NRXN3: variants seen among roughly 807,000 people sequenced by gnomAD.
NRXN3 encodes neurexin 3, also known as neurexin III.
Under a neutral mutation model 137.6 loss-of-function variants are expected in NRXN3, and 32 were observed. That is an observed-to-expected ratio of 0.23 (90% CI 0.18 to 0.31). The LOEUF is 0.31. Among genes scored for constraint, NRXN3 ranks in the 10% least tolerant of loss-of-function variants. NRXN3 has a pLI of 1.00. For synonymous variants in NRXN3, 798 were observed against 784.5 expected, an observed-to-expected ratio of 1.02 and a Z score of -0.29; for missense variants, 1,574 against 2,062.5, an observed-to-expected ratio of 0.76 and a Z score of 4.59.
At chr14:79,698,291 C>T (rs1441695144) in intron 19 of NRXN3, among the ~76,000 whole-genome samples, 1 of 151,976 alleles carries the variant, frequency 6.6e-6, no homozygotes, top group African/African-American at 2.4e-5. Context: ...AATCTGTTAT[C>T]ATATGAAAAG....
At chr14:79,571,214 T>C (rs2097597835) in intron 16 of NRXN3, among the ~76,000 whole-genome samples, 1 of 152,292 alleles carries the variant, frequency 6.6e-6, no homozygotes, top group Admixed American at 6.5e-5. Context: ...TTAGTGACTA[T>C]GAGAAGACTG....
At chr14:79,751,171 A>G (rs1483479342) in intron 19 of NRXN3, among the ~76,000 whole-genome samples, 1 of 151,982 alleles carries the variant, frequency 6.6e-6, no homozygotes, top group African/African-American at 2.4e-5. Context: ...CAGTGTGGCC[A>G]TTTTCACGAT....
At chr14:79,583,139 T>C (rs552940560) in intron 16 of NRXN3, among the ~76,000 whole-genome samples, 1 of 152,286 alleles carries the variant, frequency 6.6e-6, no homozygotes, top group South Asian at 2.1e-4. Context: ...AGGGAATAAT[T>C]TTTCTCTAAA....
chr14:79,197,371 T>C (rs1462094882), intron 15 of NRXN3, among the ~76,000 whole-genome samples: 1 of 152,166 alleles, frequency 6.6e-6, no homozygotes, highest in African/African-American at 2.4e-5. Context: ...TTATTTGAAT[T>C]AGTTAATTTT....
chr14:79,719,400 G>GTATATATA, intron 19 of NRXN3, among the ~76,000 whole-genome samples: 1 of 65,826 alleles, frequency 1.5e-5, no homozygotes, highest in Non-Finnish European at 3.2e-5. Context: ...ATATATATGT[G>GTATATATA]TGTATATATA....
At chr14:78,204,255 ATT>A (rs61249208) in intron 1 of NRXN3, among the ~76,000 whole-genome samples, 1 of 148,120 alleles carries the variant, frequency 6.8e-6, no homozygotes. Flanking sequence ...AAAAAGTGAC[ATT>A]TTTTTTTTTG....
chr14:78,627,059 TTTTG>T (rs903719421), intron 4 of NRXN3, among the ~76,000 whole-genome samples: 5 of 152,006 alleles, frequency 3.3e-5, no homozygotes, highest in South Asian at 2.1e-4. Flanking sequence ...CTCTTAGCTT[TTTTG>T]TTTGTTTGTT....
At chr14:79,826,719 C>G (rs1196794159) in intron 20 of NRXN3, among the ~76,000 whole-genome samples, 1 of 152,168 alleles carries the variant, frequency 6.6e-6, no homozygotes, top group Admixed American at 6.5e-5. Context: ...TTTTCCCAGT[C>G]TGTGATCCAA....
chr14:78,480,073 G>A (rs528525316), intron 4 of NRXN3, among the ~76,000 whole-genome samples: 2 of 152,266 alleles, frequency 1.3e-5, no homozygotes, highest in Admixed American at 6.5e-5. Context: ...CCTGGGAGGC[G>A]GAGGTTGCAG....
chr14:78,642,587 T>G lies in NRXN3; in HGVS notation c.758-2533T>G, dbSNP rs2097646655. Among the ~76,000 whole-genome samples the G allele has an allele frequency of 1.3e-5, 2 of 152,192 alleles. 1 individual carries two copies. Among genetic ancestry groups the G allele is most frequent in the Non-Finnish European group, 2.9e-5 (2 of 68,026 alleles). On this transcript the variant is annotated intron_variant, in intron 4 of 20. Transcript: ENST00000335750. ...ACACCCATTAATATACCACTTGCGG[T>G]GCCAAGGACATGCACAGTAGTTGGC... is the stretch of plus-strand genomic sequence containing the variant.
intron 4 of NRXN3, among the ~76,000 whole-genome samples, chr14:78,630,827 G>T (rs1317546760): frequency 1.3e-5 from 2 of 152,048 alleles, no homozygotes; most frequent in Admixed American, 6.5e-5. Context: ...GGATGGTCTC[G>T]ATCTCCTGAC....
chr14:78,497,708 A>G (rs1164668811), intron 4 of NRXN3, among the ~76,000 whole-genome samples: 2 of 152,106 alleles, frequency 1.3e-5, no homozygotes, highest in Non-Finnish European at 2.9e-5. Flanking sequence ...TCATACTGGG[A>G]GGCAATATAT....
intron 7 of NRXN3, among the ~76,000 whole-genome samples, chr14:78,710,501 A>T (rs1340696133): frequency 1.3e-5 from 2 of 152,212 alleles, no homozygotes. Flanking sequence ...AAGAGCAGTA[A>T]TTAGAGCATT....
chr14:78,183,184 C>T (rs2059961909), intron 1 of NRXN3, among the ~76,000 whole-genome samples: 1 of 152,324 alleles, frequency 6.6e-6, no homozygotes, highest in East Asian at 1.9e-4. Context: ...TGGCAAGAAC[C>T]ATCAGGCCAG....
chr14:78,566,177 G>T lies in NRXN3; in HGVS notation c.758-78943G>T, dbSNP rs530372602. Among the ~76,000 whole-genome samples the T allele has an allele frequency of 2.0e-5, 3 of 151,880 alleles. No homozygotes were observed. The South Asian group carries it at 6.3e-4, about 32-fold the overall frequency. On this transcript the variant is annotated intron_variant, in intron 4 of 20. Coordinates refer to ENST00000335750, the MANE Select transcript of NRXN3 (RefSeq NM_001330195.2). ...CGCCCCCAACGCCGGCCAAAAAAAA[G>T]ACTCTCTAAAAACAGGTGCCCCCGA... is the stretch of plus-strand genomic sequence containing the variant.
At chr14:79,780,531 C>A (rs111948420) in intron 19 of NRXN3, among the ~76,000 whole-genome samples, 9,790 of 152,030 alleles carry the variant, frequency 0.064, 375 homozygotes, top group Non-Finnish European at 0.086. Flanking sequence ...ATGGTGTGAA[C>A]CCGGGAGGCG....
chr14:78,233,695 A>AC (rs1040327371), intron 1 of NRXN3, among the ~76,000 whole-genome samples: 2 of 151,434 alleles, frequency 1.3e-5, no homozygotes, highest in African/African-American at 4.9e-5. Flanking sequence ...CTTCAAAAAA[A>AC]AAAAAAAAAA....
chr14:79,535,205 TAAAAC>T (rs760722077), intron 16 of NRXN3, among the ~76,000 whole-genome samples: 7 of 152,130 alleles, frequency 4.6e-5, no homozygotes, highest in Non-Finnish European at 1.0e-4. Context: ...AATTATGAAA[TAAAAC>T]AAAGCAAAGA....
intron 16 of NRXN3, among the ~76,000 whole-genome samples, chr14:79,525,628 T>A (rs1219880373): frequency 2.0e-5 from 3 of 152,236 alleles, no homozygotes; most frequent in African/African-American, 7.2e-5. Context: ...CTGGTCAGCT[T>A]GTAAGTGTTC....
Sources: gnomAD v4.1 joint callset for allele counts (sites outside exome capture counted in the v4.1 genomes callset) on GRCh38, gnomAD v4.1.1 for gene constraint, MANE v1.5 for transcripts, NCBI Gene and HGNC (gene_info 2026-07-23, HGNC 2026-07-21) for gene names.